GABPB1: variants seen among roughly 807,000 people sequenced by gnomAD.
GABPB1 encodes the protein GA binding protein transcription factor subunit beta 1, also known as GA-binding protein subunit beta-1.
GABPB1 carries 15 observed loss-of-function variants against 45.9 expected under a neutral mutation model. The observed-to-expected ratio is 0.33, with a 90% CI of 0.22 to 0.50. GABPB1 has a LOEUF of 0.50. Ranked by LOEUF, GABPB1 falls within the 20% of genes least tolerant of loss-of-function variation. The probability of loss-of-function intolerance (pLI) is 0.98; values close to 1 mark genes in which losing one functional copy is unlikely to be tolerated. For synonymous variants in GABPB1, 143 were observed against 154.4 expected, an observed-to-expected ratio of 0.93 and a Z score of 0.55; for missense variants, 252 against 457.5, an observed-to-expected ratio of 0.55 and a Z score of 4.10.
Position 50,303,062 on chromosome 15 carries a change from T to G in GABPB1, c.338A>C (p.Glu113Ala). 1 of 1,613,968 alleles carries G rather than the reference T, an allele frequency of 6.2e-7. No homozygotes were observed. The highest frequency in any genetic ancestry group is 8.5e-7 in the Non-Finnish European group (1 of 1,179,976). ...LKMTALHWAT[E>A]HNHQEVVELL... ...TTCCACCACCTCTTGATGATTGTGT[T>G]CTGTGGCCCAATGGAGAGCTGTCAT... The change falls in exon 4 of 9, where the codon GAA becomes GCA. Residue 113 changes from glutamate (E) to alanine (A), a missense_variant. Physicochemically the swap from Glu to Ala is moderately radical, Grantham distance 107. Coordinates refer to ENST00000380877, the MANE Select transcript of GABPB1 (RefSeq NM_016654.5).
intron 1 of GABPB1, among the ~76,000 whole-genome samples, chr15:50,323,178 C>T (rs1248092667): frequency 6.6e-6 from 1 of 152,124 alleles, no homozygotes; most frequent in African/African-American, 2.4e-5. Flanking sequence ...TGAGACTGTA[C>T]TGCACAGCGG....
chr15:50,354,829 G>A (rs773967341), intron 1 of GABPB1, 156 bp downstream of exon 1: 1 of 230,496 alleles, frequency 4.3e-6, no homozygotes, highest in Non-Finnish European at 8.6e-6. Flanking sequence ...CGGAATAAGC[G>A]GGGCCAGGAG....
At chr15:50,285,782 G>C (rs74912775) in intron 8 of GABPB1, 1 of 1,200,410 alleles carries the variant, frequency 8.3e-7, no homozygotes, top group Admixed American at 4.2e-5. Context: ...AGAATGGTGT[G>C]TGTAAGTTTA....
In GABPB1 at chr15:50,288,370, T is replaced by G. The variant is rs1441324705; in HGVS notation, c.883+1113A>C. On this transcript the variant is annotated intron_variant, in intron 7 of 8. Coordinates refer to ENST00000380877, the MANE Select transcript of GABPB1 (RefSeq NM_016654.5). ...CATACTACTAGCCCTAGTCATTTTC[T>G]CAAAGATTATGTGTGGACACTTCTT... Among the ~76,000 whole-genome samples, 3 of 152,206 alleles carry G rather than the reference T, an allele frequency of 2.0e-5. No individual in the cohort carries two copies. In the East Asian group the frequency reaches 5.8e-4, roughly 29 times the overall value.
At chr15:50,349,830 A>G (rs2048755044) in intron 1 of GABPB1, 1 of 152,188 alleles carries the variant, frequency 6.6e-6, no homozygotes, top group Non-Finnish European at 1.5e-5. Context: ...TTACAACATG[A>G]TAGATAATTT....
At chr15:50,336,819 G>A (rs2048146774) in intron 1 of GABPB1, among the ~76,000 whole-genome samples, 1 of 148,128 alleles carries the variant, frequency 6.8e-6, no homozygotes, top group African/African-American at 2.5e-5. Flanking sequence ...ATTATAAGAA[G>A]TTAAATGTAG....
At chr15:50,314,508 G>A (rs779039318) in intron 1 of GABPB1, 1 of 152,232 alleles carries the variant, frequency 6.6e-6, no homozygotes, top group South Asian at 2.1e-4. Flanking sequence ...AATGTAGATG[G>A]ATTCTTGGAA....
chr15:50,338,998 T>C (rs2048245334), intron 1 of GABPB1, among the ~76,000 whole-genome samples: 1 of 151,716 alleles, frequency 6.6e-6, no homozygotes, highest in East Asian at 1.9e-4. Context: ...CCATCTCTAC[T>C]AAAAACACAA....
At chr15:50,346,104 T>C (rs2048568574) in intron 1 of GABPB1, among the ~76,000 whole-genome samples, 1 of 152,164 alleles carries the variant, frequency 6.6e-6, no homozygotes, top group African/African-American at 2.4e-5. Context: ...GGCAGCAGGA[T>C]TCTTCTTCCG....
At chr15:50,328,754 T>A (rs1490221740) in intron 1 of GABPB1, among the ~76,000 whole-genome samples, 3 of 152,222 alleles carry the variant, frequency 2.0e-5, no homozygotes, top group Admixed American at 2.0e-4. Context: ...TAGCACCCAT[T>A]AATGATCCTG....
At chr15:50,354,300 T>C (rs1401664389) in intron 1 of GABPB1, 2 of 443,920 alleles carry the variant, frequency 4.5e-6, no homozygotes, top group Non-Finnish European at 9.0e-6. Context: ...AACGGCAGGC[T>C]TCTCCCCCTC....
chr15:50,297,214 ACTT>A (rs35614727), intron 6 of GABPB1, among the ~76,000 whole-genome samples: 72,425 of 143,236 alleles, frequency 0.51, 18,597 homozygotes, highest in Middle Eastern at 0.69. Flanking sequence ...CCCACCCATT[ACTT>A]CTTTTTTTTT....
rs1247805649 is a variant in GABPB1 at position 50,348,286 on chromosome 15, G to C, written c.-1+6699C>G. ...AAATTTTTTTTGGAGACAGAATCTTGCTCTGTCACCCAGGCTGCAGTACAG... is the reference window on the plus strand; with the variant it reads ...AAATTTTTTTTGGAGACAGAATCTTCCTCTGTCACCCAGGCTGCAGTACAG... On this transcript the variant is annotated intron_variant, in intron 1 of 8. Transcript: ENST00000380877. Among the ~76,000 whole-genome samples, 4 of 151,936 alleles carry C rather than the reference G, an allele frequency of 2.6e-5. No individual in the cohort carries two copies. In the East Asian group the frequency reaches 7.8e-4, roughly 29 times the overall value.
Position 50,278,728 on chromosome 15 carries a change from A to G in GABPB1, c.1056T>C (p.Tyr352=). ...LDEANREAQK[Y]RQQLLKKEQE... ...GTTCTTTCTTTAGGAGCTGCTGTCG[A>G]TATTTTTGTGCTTCTCGATTTGCTT... Residue 352 remains tyrosine, a synonymous_variant, in exon 9 of 9, where the codon TAT becomes TAC. Transcript: ENST00000380877. 1 of 1,613,044 alleles carries G rather than the reference A, an allele frequency of 6.2e-7. No homozygotes were observed. The highest frequency in any genetic ancestry group is 8.5e-7 in the Non-Finnish European group (1 of 1,179,564).
chr15:50,315,904 G>A (rs1008310688), intron 1 of GABPB1, among the ~76,000 whole-genome samples: 3 of 152,004 alleles, frequency 2.0e-5, no homozygotes, highest in Non-Finnish European at 2.9e-5. Context: ...GTGAAACCCC[G>A]CCCATCTCTG....
At chr15:50,303,905 C>G in intron 3 of GABPB1, 61 bp downstream of exon 3, 1 of 1,340,482 alleles carries the variant, frequency 7.5e-7, no homozygotes, top group Non-Finnish European at 1.0e-6. Flanking sequence ...AACTAGTTCC[C>G]TCTCCTTCTT....
intron 8 of GABPB1, among the ~76,000 whole-genome samples, chr15:50,282,950 G>A (rs963033448): frequency 3.9e-5 from 6 of 152,176 alleles, no homozygotes; most frequent in Non-Finnish European, 7.3e-5. Flanking sequence ...AGCTACTTAG[G>A]AGACTGAGGC....
At chr15:50,318,813 T>C (rs1254791038) in intron 1 of GABPB1, among the ~76,000 whole-genome samples, 1 of 152,210 alleles carries the variant, frequency 6.6e-6, no homozygotes, top group Non-Finnish European at 1.5e-5. Flanking sequence ...AACTAGACTA[T>C]TTTTCAGAAG....
intron 1 of GABPB1, among the ~76,000 whole-genome samples, chr15:50,314,110 A>T (rs2047224393): frequency 6.6e-6 from 1 of 152,178 alleles, no homozygotes; most frequent in Non-Finnish European, 1.5e-5. Flanking sequence ...ACAGTTTAGG[A>T]CCTAATATAC....
Sources: gnomAD v4.1 joint callset for allele counts (sites outside exome capture counted in the v4.1 genomes callset) on GRCh38, gnomAD v4.1.1 for gene constraint, MANE v1.5 for transcripts, NCBI Gene and HGNC (gene_info 2026-07-23, HGNC 2026-07-21) for gene names.